The following KCNMA1 variants were observed in gnomAD, a reference collection of about 807,000 sequenced individuals.
KCNMA1 encodes the protein Calcium-activated potassium channel subunit alpha-1.
In KCNMA1, 29 loss-of-function variants were observed where a neutral mutation model predicts 140.0. That is an observed-to-expected ratio of 0.21 (90% CI 0.15 to 0.28). KCNMA1 has a LOEUF of 0.28. KCNMA1 is among the 10% of genes least tolerant of loss of function. The pLI is 1.00. For synonymous variants in KCNMA1, 612 were observed against 611.9 expected (o/e 1.00, Z 0.00); for missense variants, 880 against 1,602.2 (o/e 0.55, Z 7.70).
Position 77,404,988 on chromosome 10 carries a change from C to T in KCNMA1, c.379-965G>A, listed in dbSNP as rs192780550. On this transcript the variant is annotated intron_variant, in intron 1 of 27. Coordinates refer to ENST00000286628, the MANE Select transcript of KCNMA1 (RefSeq NM_001161352.2). ...ATTTGAACACCCGGATCCAGCTGTG[C>T]CTGAAATCTACACCAGACCTTTCCA... 1.1e-3 allele frequency among the ~76,000 whole-genome samples: 167 copies of T among 147,450 alleles called. 3 individuals carry two copies. Among genetic ancestry groups the T allele is most frequent in the African/African-American group, 4.1e-3 (162 of 39,838 alleles).
intron 1 of KCNMA1, among the ~76,000 whole-genome samples, chr10:77,457,334 T>A (rs944876942): frequency 6.6e-6 from 1 of 152,042 alleles, no homozygotes; most frequent in African/African-American, 2.4e-5. Context: ...ACCAGGACAT[T>A]TCTCCCTCCT....
intron 1 of KCNMA1, among the ~76,000 whole-genome samples, chr10:77,534,600 G>A (rs1472594119): frequency 6.6e-6 from 1 of 152,174 alleles, no homozygotes; most frequent in African/African-American, 2.4e-5. Context: ...AGGGATTTGG[G>A]CATCAAAAGT....
At chr10:77,048,250 A>T (rs187514468) in intron 14 of KCNMA1, among the ~76,000 whole-genome samples, 1 of 152,164 alleles carries the variant, frequency 6.6e-6, no homozygotes, top group East Asian at 1.9e-4. Flanking sequence ...GTTTCTAAGC[A>T]CTTACTCTCA....
intron 14 of KCNMA1, among the ~76,000 whole-genome samples, chr10:77,059,930 C>A (rs966765274): frequency 1.3e-5 from 2 of 152,236 alleles, no homozygotes; most frequent in South Asian, 4.1e-4. Context: ...CACCAATGAA[C>A]AATTGGAACC....
At chr10:77,140,500 A>T (rs1482948650) in intron 5 of KCNMA1, 1 of 152,526 alleles carries the variant, frequency 6.6e-6, no homozygotes, top group African/African-American at 2.4e-5. Context: ...CTTACTGGGG[A>T]TCATGGTAGA....
intron 5 of KCNMA1, among the ~76,000 whole-genome samples, chr10:77,154,120 T>C (rs1189540602): frequency 6.6e-6 from 1 of 152,110 alleles, no homozygotes; most frequent in Non-Finnish European, 1.5e-5. Context: ...AGAAAGCTGA[T>C]GGTTTTATAA....
At chr10:77,513,542 G>A (rs775469083) in intron 1 of KCNMA1, among the ~76,000 whole-genome samples, 2 of 152,168 alleles carry the variant, frequency 1.3e-5, no homozygotes, top group Non-Finnish European at 2.9e-5. Flanking sequence ...GTAAAGTGCT[G>A]CATAAATGTA....
intron 1 of KCNMA1, among the ~76,000 whole-genome samples, chr10:77,535,509 G>T (rs575791568): frequency 3.2e-4 from 48 of 152,258 alleles, no homozygotes; most frequent in Non-Finnish European, 5.7e-4. Context: ...ACTAAAAATA[G>T]AATTACCATA....
chr10:76,967,719 C>T (rs1168016786), intron 20 of KCNMA1, among the ~76,000 whole-genome samples: 1 of 152,142 alleles, frequency 6.6e-6, no homozygotes, highest in Non-Finnish European at 1.5e-5. Context: ...TGGGATAAGA[C>T]ATCCCAGCGA....
intron 19 of KCNMA1, among the ~76,000 whole-genome samples, chr10:76,977,211 ACATCCTGGG>A (rs2077891070): frequency 6.6e-6 from 1 of 152,206 alleles, no homozygotes; most frequent in Non-Finnish European, 1.5e-5. Context: ...GAAACCTGCC[ACATCCTGGG>A]CACCAACAGC....
intron 23 of KCNMA1, among the ~76,000 whole-genome samples, chr10:76,918,918 TCA>T (rs71477059): frequency 0.049 from 7,035 of 144,186 alleles, 475 homozygotes; most frequent in African/African-American, 0.16. Context: ...ATATATCACA[TCA>T]CACACACACA....
At chr10:77,437,052 A>G (rs1457239963) in intron 1 of KCNMA1, among the ~76,000 whole-genome samples, 2 of 151,910 alleles carry the variant, frequency 1.3e-5, no homozygotes, top group African/African-American at 2.4e-5. Flanking sequence ...CTGGAGCCAT[A>G]AGTCTAGCTT....
At chr10:77,201,361 G>A (rs2042388117) in intron 3 of KCNMA1, among the ~76,000 whole-genome samples, 1 of 152,148 alleles carries the variant, frequency 6.6e-6, no homozygotes, top group Non-Finnish European at 1.5e-5. Flanking sequence ...ATGAAGCCAG[G>A]CCAAGTGTAC....
intron 1 of KCNMA1, among the ~76,000 whole-genome samples, chr10:77,471,001 C>T (rs896768285): frequency 6.6e-6 from 1 of 151,966 alleles, no homozygotes; most frequent in African/African-American, 2.4e-5. Context: ...CATACACACA[C>T]CACACAACAC....
At chr10:77,385,354 T>G (rs561918645) in intron 2 of KCNMA1, among the ~76,000 whole-genome samples, 2 of 152,364 alleles carry the variant, frequency 1.3e-5, no homozygotes, top group South Asian at 4.1e-4. Context: ...AACTTACAGT[T>G]TACTATGTTT....
At chr10:77,282,895 A>G (rs1397967588) in intron 2 of KCNMA1, among the ~76,000 whole-genome samples, 3 of 152,212 alleles carry the variant, frequency 2.0e-5, no homozygotes, top group Non-Finnish European at 4.4e-5. Context: ...TTGACATAAA[A>G]AAACAAAAGA....
intron 2 of KCNMA1, among the ~76,000 whole-genome samples, chr10:77,372,268 T>C (rs942664702): frequency 1.4e-4 from 22 of 152,296 alleles, no homozygotes; most frequent in African/African-American, 4.8e-4. Context: ...TAGAATTTGT[T>C]TCCTGTTTTG....
intron 5 of KCNMA1, among the ~76,000 whole-genome samples, chr10:77,183,197 A>T (rs1431797475): frequency 1.3e-5 from 2 of 152,198 alleles, no homozygotes; most frequent in African/African-American, 4.8e-5. Flanking sequence ...AGGCTTTGAC[A>T]ATGATAAAAC....
intron 3 of KCNMA1, among the ~76,000 whole-genome samples, chr10:77,215,041 C>T (rs950169081): frequency 3.3e-5 from 5 of 152,130 alleles, no homozygotes; most frequent in African/African-American, 7.2e-5. Flanking sequence ...TCTTCTCTTT[C>T]AGGTGTCACA....
Sources: allele counts gnomAD v4.1 joint callset (sites outside exome capture counted in the v4.1 genomes callset), GRCh38; gene constraint gnomAD v4.1.1; transcripts MANE v1.5; gene names NCBI Gene and HGNC (gene_info 2026-07-23, HGNC 2026-07-21).